CKAP5: variants seen among roughly 807,000 people sequenced by gnomAD.
CKAP5 encodes the protein cytoskeleton-associated protein 5.
Under a neutral mutation model 232.8 loss-of-function variants are expected in CKAP5, and 27 were observed. That is an observed-to-expected ratio of 0.12 (90% CI 0.09 to 0.16). The LOEUF is 0.16. Ranked by LOEUF, CKAP5 falls within the 10% of genes least tolerant of loss-of-function variation. CKAP5 has a pLI of 1.00. For missense variants in CKAP5, 1,838 were observed against 2,424.7 expected (o/e 0.76, Z 5.08); for synonymous variants, 785 against 841.1 (o/e 0.93, Z 1.16).
chr11:46,844,221 T>TA (rs1162075349), intron 1 of CKAP5, among the ~76,000 whole-genome samples: 5,993 of 135,420 alleles, frequency 0.044, 402 homozygotes, highest in African/African-American at 0.15. Flanking sequence ...GACTCTGTCT[T>TA]AAAAAAAAAA....
At chr11:46,791,531 A>G (rs1026085625) in intron 13 of CKAP5, among the ~76,000 whole-genome samples, 27 of 151,716 alleles carry the variant, frequency 1.8e-4, no homozygotes, top group Admixed American at 5.3e-4. Flanking sequence ...AAAATTAGCC[A>G]GGTGTGTTGG....
At chr11:46,758,753 T>A in intron 35 of CKAP5, 170 bp downstream of exon 35, 3 of 612,300 alleles carry the variant, frequency 4.9e-6, no homozygotes, top group African/African-American at 1.9e-5. Flanking sequence ...TAGAGTCACA[T>A]CCTCTGAGGC....
In CKAP5 at chr11:46,778,494, C is replaced by T. The variant is rs2065309949; in HGVS notation, c.2539G>A (p.Asp847Asn). 4 of 1,614,022 alleles carry T rather than the reference C, an allele frequency of 2.5e-6. No homozygotes were observed. Among genetic ancestry groups the T allele is most frequent in the Non-Finnish European group, 3.4e-6 (4 of 1,180,014 alleles). The change falls in exon 21 of 44, where the codon GAT becomes AAT. Residue 847 changes from aspartate (D) to asparagine (N), a missense_variant. Asp to Asn is a conservative substitution (Grantham distance 23, BLOSUM62 1). Transcript: ENST00000529230. ...GTCCTCGGCAAAAGATCAACGACAT[C>T]ATTGCTCCCGTCATCTGGTTCATCT... is the stretch of plus-strand genomic sequence containing the variant. Reference protein sequence around the residue: ...DGDEPDDGSNDVVDLLPRTEI... With the variant: ...DGDEPDDGSNNVVDLLPRTEI...
intron 16 of CKAP5, 28 bp downstream of exon 16, chr11:46,788,653 A>T (rs1592458399): frequency 7.8e-7 from 1 of 1,287,758 alleles, no homozygotes; most frequent in East Asian, 2.3e-5. Flanking sequence ...CTTCAATAAA[A>T]GACATCAAAT....
chr11:46,752,572 C>T, intron 38 of CKAP5, 63 bp downstream of exon 38: 3 of 1,284,428 alleles, frequency 2.3e-6, no homozygotes, highest in South Asian at 2.5e-5. Flanking sequence ...TCCTCTTTCC[C>T]CATACTTTTA....
At chr11:46,809,351 A>G (rs1939225330) in intron 7 of CKAP5, 49 bp downstream of exon 7, 1 of 1,222,898 alleles carries the variant, frequency 8.2e-7, no homozygotes, top group Non-Finnish European at 1.2e-6. Flanking sequence ...ATTCTATTCA[A>G]GTAATTATTT....
In CKAP5 at chr11:46,751,539, T is replaced by C. The variant is rs1301918619; in HGVS notation, c.5134-5A>G. On this transcript the variant is annotated splice_polypyrimidine_tract_variant and splice_region_variant and intron_variant, in intron 38 of 43. Transcript: ENST00000529230. ...TCGAACCATTCTCCAGAGACACTAT[T>C]GAAAAAAGAATAAAAGAGTTAGGAG... The C allele has an allele frequency of 6.3e-7, 1 of 1,599,096 alleles. No homozygotes were observed. The highest frequency in any genetic ancestry group is 8.5e-7 in the Non-Finnish European group (1 of 1,173,586).
At chr11:46,816,000 CCTA>C (rs1441664992) in intron 4 of CKAP5, among the ~76,000 whole-genome samples, 195 bp downstream of exon 4, 1 of 152,084 alleles carries the variant, frequency 6.6e-6, no homozygotes, top group Non-Finnish European at 1.5e-5. Context: ...GAGTGCAAAC[CCTA>C]CTGTGAACTG....
intron 7 of CKAP5, among the ~76,000 whole-genome samples, chr11:46,808,496 G>A (rs760852007): frequency 1.4e-4 from 21 of 152,100 alleles, no homozygotes; most frequent in Admixed American, 3.9e-4. Flanking sequence ...AGCCAAGATC[G>A]CGCCACTGCA....
chr11:46,817,398 CA>C (rs1287727386), intron 3 of CKAP5, among the ~76,000 whole-genome samples: 1 of 152,170 alleles, frequency 6.6e-6, no homozygotes, highest in Non-Finnish European at 1.5e-5. Context: ...TAAGACTTTA[CA>C]ATAACTTTAC....
chr11:46,783,235 A>C (rs768979111), intron 18 of CKAP5, 39 bp downstream of exon 18: 1 of 1,158,770 alleles, frequency 8.6e-7, no homozygotes, highest in South Asian at 1.3e-5. Context: ...GACTGACAGA[A>C]CATTTAACTA....
rs750397047 is a variant in CKAP5, at chr11:46,821,228, C to T, written c.4G>A (p.Gly2Arg). 6.2e-7 allele frequency: 1 copy of T among 1,611,586 alleles called. No homozygotes were observed. Among genetic ancestry groups the T allele is most frequent in the Non-Finnish European group, 8.5e-7 (1 of 1,177,814 alleles). The change falls in exon 2 of 44, where the codon GGA becomes AGA. Residue 2 changes from glycine to arginine, a missense_variant. This residue lies in a region of CKAP5 where 285 missense variants were observed against 300.0 expected (regional missense o/e 0.95). Transcript: ENST00000529230. M[G>R]DDSEWLKLPV... ...AGTTTCAACCACTCACTGTCATCTC[C>T]CATTGTGCTTCCAGGTTTTCCTTAG... is the stretch of plus-strand genomic sequence containing the variant.
At chr11:46,807,134 A>G (rs940220177) in intron 8 of CKAP5, among the ~76,000 whole-genome samples, 22 of 152,212 alleles carry the variant, frequency 1.4e-4, no homozygotes, top group Non-Finnish European at 2.6e-4. Flanking sequence ...ATGTTAATGA[A>G]TCAACAACAT....
intron 3 of CKAP5, among the ~76,000 whole-genome samples, chr11:46,817,678 T>C (rs1939435225): frequency 6.6e-6 from 1 of 152,188 alleles, no homozygotes; most frequent in Admixed American, 6.5e-5. Flanking sequence ...TTCAACTTTT[T>C]TTTTTGTATG....
chr11:46,793,371 A>G (rs1169606536), intron 13 of CKAP5, among the ~76,000 whole-genome samples: 1 of 152,244 alleles, frequency 6.6e-6, no homozygotes, highest in Non-Finnish European at 1.5e-5. Context: ...AACTTTTTGC[A>G]TCTGCAGCAG....
intron 8 of CKAP5, chr11:46,802,321 G>A (rs1490978552): frequency 2.0e-5 from 3 of 152,192 alleles, no homozygotes; most frequent in Non-Finnish European, 4.4e-5. Context: ...CTACGACTGG[G>A]TTCCTTCCTG....
chr11:46,798,003 T>C, intron 10 of CKAP5, 34 bp from the exon 11 acceptor site: 1 of 1,607,266 alleles, frequency 6.2e-7, no homozygotes, highest in Non-Finnish European at 8.5e-7. Context: ...TGAGCTTTTT[T>C]CAATTGTAAA....
intron 3 of CKAP5, among the ~76,000 whole-genome samples, chr11:46,817,314 A>G (rs1329036093): frequency 6.6e-6 from 1 of 152,144 alleles, no homozygotes; most frequent in Non-Finnish European, 1.5e-5. Flanking sequence ...AACACTTTTT[A>G]GGAAAAGAGA....
In CKAP5 at chr11:46,753,106, A is replaced by G. The variant is rs142490555; in HGVS notation, c.5057+204T>C. 71 of 476,274 alleles carry G rather than the reference A, an allele frequency of 1.5e-4. No homozygotes were observed. In the East Asian group the frequency reaches 2.1e-3, roughly 14 times the overall value. 29.5% of individuals were successfully genotyped at this position (476,274 alleles called of 1,614,324 possible). On this transcript the variant is annotated intron_variant, in intron 37 of 43. Transcript: ENST00000529230. The stretch of plus-strand genomic sequence containing the variant: ...AAAATACCTTTGGTCCATGATGAAG[A>G]AGAGTAATAAATCAACTTCCTAGGC...
Sources: gnomAD v4.1 joint callset for allele counts (sites outside exome capture counted in the v4.1 genomes callset) on GRCh38, gnomAD v4.1.1 for gene constraint, gnomAD v4.1.1 regional missense constraint, MANE v1.5 for transcripts, NCBI Gene and HGNC (gene_info 2026-07-23, HGNC 2026-07-21) for gene names.